The following RAPGEF6 variants were observed in gnomAD, a reference collection of about 807,000 sequenced individuals.
RAPGEF6 encodes PDZ domain containing guanine nucleotide exchange factor (GEF) 2.
In RAPGEF6, 56 loss-of-function variants were observed where a neutral mutation model predicts 171.4. The observed-to-expected ratio is 0.33, with a 90% CI of 0.26 to 0.41. RAPGEF6 has a LOEUF of 0.41. Ranked by LOEUF, RAPGEF6 falls within the 10% of genes least tolerant of loss-of-function variation. The probability of loss-of-function intolerance (pLI) is 1.00; values close to 1 mark genes in which losing one functional copy is unlikely to be tolerated. For missense variants in RAPGEF6, 1,674 were observed against 1,921.4 expected, an observed-to-expected ratio of 0.87 and a Z score of 2.41; for synonymous variants, 692 against 650.1, an observed-to-expected ratio of 1.06 and a Z score of -0.98.
intron 6 of RAPGEF6, among the ~76,000 whole-genome samples, chr5:131,541,252 GGAGCT>G (rs1376261118): frequency 2.0e-5 from 3 of 152,190 alleles, no homozygotes; most frequent in Non-Finnish European, 2.9e-5. Context: ...TGGACTCTTG[GGAGCT>G]GAACATGACT....
intron 26 of RAPGEF6, among the ~76,000 whole-genome samples, chr5:131,430,235 T>C (rs1046262447): frequency 5.3e-5 from 8 of 152,082 alleles, no homozygotes; most frequent in Admixed American, 1.3e-4. Flanking sequence ...AGTCATTCCA[T>C]ATAAGTAGAA....
chr5:131,613,554 C>G (rs1479225116), intron 1 of RAPGEF6, among the ~76,000 whole-genome samples: 3 of 151,974 alleles, frequency 2.0e-5, no homozygotes, highest in Admixed American at 2.0e-4. Flanking sequence ...GGTTTTTTAT[C>G]ACAACTATTT....
intron 4 of RAPGEF6, among the ~76,000 whole-genome samples, chr5:131,589,236 T>C (rs377051731): frequency 1.3e-5 from 2 of 152,206 alleles, no homozygotes; most frequent in Admixed American, 1.3e-4. Flanking sequence ...GACAGAGATA[T>C]GAACTATAGC....
chr5:131,538,036 G>A (rs1759887495), intron 6 of RAPGEF6, among the ~76,000 whole-genome samples: 1 of 152,126 alleles, frequency 6.6e-6, no homozygotes, highest in African/African-American at 2.4e-5. Flanking sequence ...AAGCTGCAAT[G>A]AGCTGTGATC....
At chr5:131,487,876 A>G (rs759535385) in intron 15 of RAPGEF6, among the ~76,000 whole-genome samples, 60 of 152,236 alleles carry the variant, frequency 3.9e-4, no homozygotes, top group Non-Finnish European at 7.9e-4. Context: ...GGGCATCACC[A>G]CATCTAGAGT....
chr5:131,514,759 TATC>T (rs1412207929), intron 7 of RAPGEF6, among the ~76,000 whole-genome samples: 1 of 152,164 alleles, frequency 6.6e-6, no homozygotes, highest in Non-Finnish European at 1.5e-5. Context: ...TAGAGACTCA[TATC>T]ATAATACCAC....
At chr5:131,474,629 T>C (rs1462909411) in intron 16 of RAPGEF6, among the ~76,000 whole-genome samples, 1 of 152,134 alleles carries the variant, frequency 6.6e-6, no homozygotes, top group Non-Finnish European at 1.5e-5. Context: ...AGATATCTCA[T>C]TTGATAAATA....
chr5:131,562,480 A>C (rs1001087732), intron 4 of RAPGEF6, among the ~76,000 whole-genome samples: 2 of 151,458 alleles, frequency 1.3e-5, no homozygotes, highest in South Asian at 4.2e-4. Flanking sequence ...CAGATACTAA[A>C]AATAAAAAAA....
At chr5:131,512,016 C>T (rs1246070383) in intron 7 of RAPGEF6, among the ~76,000 whole-genome samples, 1 of 152,048 alleles carries the variant, frequency 6.6e-6, no homozygotes, top group Non-Finnish European at 1.5e-5. Flanking sequence ...CTCATGGAAA[C>T]GCCTTCCTGT....
intron 4 of RAPGEF6, among the ~76,000 whole-genome samples, chr5:131,586,771 G>A (rs977636141): frequency 6.6e-6 from 1 of 152,196 alleles, no homozygotes; most frequent in Non-Finnish European, 1.5e-5. Context: ...CTAAGTGTTG[G>A]TTAGAATGTG....
intron 1 of RAPGEF6, among the ~76,000 whole-genome samples, chr5:131,633,195 A>G (rs1766422714): frequency 1.3e-5 from 2 of 152,072 alleles, no homozygotes; most frequent in South Asian, 4.1e-4. Context: ...AGCTGGGCAT[A>G]GTGGCGTGTG....
In RAPGEF6 at chr5:131,423,929, G is replaced by C. The variant is rs563114451; in HGVS notation, c.*3337C>G. ...ATTAAGTACAGAGAAGATTAATGTA[G>C]ATTCTTTATTGATTCCACCAATGTA... On this transcript the variant is annotated 3_prime_UTR_variant, in exon 28 of 28. Coordinates refer to ENST00000509018, the MANE Select transcript of RAPGEF6 (RefSeq NM_016340.6). 4.6e-5 allele frequency: 7 copies of C among 152,268 alleles called. No individual in the cohort carries two copies. In the East Asian group the frequency reaches 1.3e-3, roughly 29 times the overall value. 9.4% of individuals were successfully genotyped at this position (152,268 alleles called of 1,614,324 possible).
intron 16 of RAPGEF6, among the ~76,000 whole-genome samples, chr5:131,477,337 A>G (rs577559722): frequency 6.6e-6 from 1 of 152,212 alleles, no homozygotes; most frequent in Non-Finnish European, 1.5e-5. Context: ...TTTGGAAGGG[A>G]CAGACAGGTT....
chr5:131,445,367 T>C (rs1280166633), intron 22 of RAPGEF6, among the ~76,000 whole-genome samples: 3 of 152,202 alleles, frequency 2.0e-5, no homozygotes, highest in East Asian at 1.9e-4. Flanking sequence ...TTTAAAAAAT[T>C]ACTATGCAAA....
At position 131,425,196 on chromosome 5, in the gene RAPGEF6, T is replaced by C. The variant is rs1215171888; in HGVS notation, c.*2070A>G. Reference sequence around the variant, plus strand: ...AGGCCTCAACACTCTGTGCAAGATATTTACACTATTAAGGACAAAGACAGG... The same window carrying C: ...AGGCCTCAACACTCTGTGCAAGATACTTACACTATTAAGGACAAAGACAGG... On this transcript the variant is annotated 3_prime_UTR_variant, in exon 28 of 28. Coordinates refer to ENST00000509018, the MANE Select transcript of RAPGEF6 (RefSeq NM_016340.6). The C allele has an allele frequency of 6.6e-6, 1 of 152,288 alleles. No individual in the cohort carries two copies. The highest frequency in any genetic ancestry group is 2.4e-5 in the African/African-American group (1 of 41,430). 9.4% of individuals were successfully genotyped at this position (152,288 alleles called of 1,614,324 possible).
intron 15 of RAPGEF6, among the ~76,000 whole-genome samples, chr5:131,484,865 A>G (rs1755769173): frequency 6.6e-6 from 1 of 152,178 alleles, no homozygotes; most frequent in Admixed American, 6.5e-5. Flanking sequence ...TTAGTATTTT[A>G]GTTTTCAAAA....
chr5:131,524,359 T>G (rs771242102), intron 6 of RAPGEF6, among the ~76,000 whole-genome samples: 1 of 152,208 alleles, frequency 6.6e-6, no homozygotes, highest in Non-Finnish European at 1.5e-5. Context: ...CTCAGTTCCT[T>G]GCACTGTCCA....
intron 1 of RAPGEF6, among the ~76,000 whole-genome samples, chr5:131,628,283 AT>A (rs146653559): frequency 0.024 from 3,636 of 150,496 alleles, 54 homozygotes; most frequent in Middle Eastern, 0.083. Context: ...CAAAAAAATG[AT>A]TTAAAAAAAA....
At chr5:131,575,399 A>G (rs757315167) in intron 4 of RAPGEF6, among the ~76,000 whole-genome samples, 1 of 152,150 alleles carries the variant, frequency 6.6e-6, no homozygotes, top group Non-Finnish European at 1.5e-5. Flanking sequence ...ATCTGTTCTC[A>G]AAGAAGTATC....
Sources: allele counts gnomAD v4.1 joint callset (sites outside exome capture counted in the v4.1 genomes callset), GRCh38; gene constraint gnomAD v4.1.1; transcripts MANE v1.5; gene names NCBI Gene and HGNC (gene_info 2026-07-23, HGNC 2026-07-21).